Variants in DOCK3 observed in about 807,000 individuals in gnomAD.
DOCK3 encodes dedicator of cytokinesis 3, also known as dedicator of cytokinesis protein 3.
In DOCK3, 60 loss-of-function variants were observed where a neutral mutation model predicts 265.6. The ratio of observed to expected loss-of-function variants is 0.23; its 90% CI spans 0.18 to 0.28. The LOEUF (loss-of-function observed/expected upper bound fraction) is 0.28. DOCK3 is among the 10% of genes least tolerant of loss of function. The pLI is 1.00. For missense variants in DOCK3, 1,981 were observed against 2,594.3 expected (o/e 0.76, Z 5.14); for synonymous variants, 881 against 938.0 (o/e 0.94, Z 1.11).
intron 5 of DOCK3, among the ~76,000 whole-genome samples, chr3:51,004,860 T>A (rs1055606261): frequency 6.7e-6 from 1 of 150,020 alleles, no homozygotes; most frequent in Admixed American, 6.7e-5. Context: ...GTATTCTTAC[T>A]CTTTATCGTT....
chr3:51,143,899 A>G (rs1454720354), intron 9 of DOCK3, among the ~76,000 whole-genome samples: 2 of 152,222 alleles, frequency 1.3e-5, no homozygotes, highest in Non-Finnish European at 2.9e-5. Flanking sequence ...GGCGACAGAA[A>G]GTTTTCTACT....
intron 9 of DOCK3, among the ~76,000 whole-genome samples, chr3:51,127,760 G>A (rs1018462736): frequency 1.6e-4 from 24 of 152,200 alleles, no homozygotes; most frequent in African/African-American, 5.5e-4. Flanking sequence ...CCTTCAGCAA[G>A]CACCTCAGCA....
At chr3:51,003,376 A>G (rs1382178052) in intron 5 of DOCK3, among the ~76,000 whole-genome samples, 2 of 152,208 alleles carry the variant, frequency 1.3e-5, no homozygotes, top group East Asian at 1.9e-4. Context: ...TACAAGTGAA[A>G]TTCTAGAATC....
chr3:51,211,182 C>A (rs1339167739), intron 13 of DOCK3, among the ~76,000 whole-genome samples: 1 of 152,086 alleles, frequency 6.6e-6, no homozygotes, highest in African/African-American at 2.4e-5. Flanking sequence ...GGCACAAGAA[C>A]AGAGTCAAGT....
intron 5 of DOCK3, among the ~76,000 whole-genome samples, chr3:50,976,519 A>T: frequency 1.0e-5 from 1 of 99,266 alleles, no homozygotes; most frequent in Non-Finnish European, 2.0e-5. Flanking sequence ...AGTTTGTTAT[A>T]ATTTCTGTTC....
chr3:50,742,343 G>A (rs1278675953), intron 1 of DOCK3, among the ~76,000 whole-genome samples: 3 of 152,216 alleles, frequency 2.0e-5, no homozygotes, highest in Non-Finnish European at 2.9e-5. Flanking sequence ...AAAGCTGGAC[G>A]GAGAGTGACT....
rs371350142 is a variant in DOCK3 at position 51,357,000 on chromosome 3, T to C, written c.4542T>C (p.Val1514=). ...CTCTGGAGAATGCCATCCAAGTGGT[T>C]GAGAATAAGAACCAGGAGCTACGCT... The part of the protein sequence containing the change: ...VSPLENAIQV[V]ENKNQELRSL... The change falls in exon 44 of 53, where the codon GTT becomes GTC. Residue 1514 remains valine (V), a synonymous_variant. Transcript: ENST00000266037. 4 of 1,613,470 alleles carry C rather than the reference T, an allele frequency of 2.5e-6. No homozygotes were observed. In the Admixed American group the frequency reaches 6.7e-5, roughly 27 times the overall value.
intron 5 of DOCK3, among the ~76,000 whole-genome samples, chr3:51,003,025 G>A (rs2078541535): frequency 6.6e-6 from 1 of 152,152 alleles, no homozygotes; most frequent in South Asian, 2.1e-4. Context: ...TTACTCCTTA[G>A]ATATGGGGCA....
At chr3:50,959,997 T>C (rs1007398211) in intron 5 of DOCK3, among the ~76,000 whole-genome samples, 2 of 152,258 alleles carry the variant, frequency 1.3e-5, no homozygotes, top group African/African-American at 4.8e-5. Context: ...TGTTGACTTC[T>C]TTTACTTAGC....
intron 3 of DOCK3, among the ~76,000 whole-genome samples, chr3:50,845,722 A>AATCCT (rs1460078638): frequency 6.6e-6 from 1 of 152,112 alleles, no homozygotes; most frequent in African/African-American, 2.4e-5. Context: ...ACAAAAGGTA[A>AATCCT]ATATTGAAGA....
At chr3:51,137,094 C>T (rs1479552443) in intron 9 of DOCK3, among the ~76,000 whole-genome samples, 2 of 151,796 alleles carry the variant, frequency 1.3e-5, no homozygotes, top group Non-Finnish European at 2.9e-5. Context: ...CCTGGACCAT[C>T]GTTTGCCTTT....
chr3:51,276,384 C>T, intron 25 of DOCK3: 1 of 985,152 alleles, frequency 1.0e-6, no homozygotes, highest in East Asian at 1.1e-4. Flanking sequence ...CAGCTTATTG[C>T]TAAAGGAAGG....
intron 1 of DOCK3, among the ~76,000 whole-genome samples, chr3:50,763,861 G>C (rs1456040573): frequency 6.6e-6 from 1 of 152,060 alleles, no homozygotes; most frequent in Non-Finnish European, 1.5e-5. Flanking sequence ...TCTTTGCTCA[G>C]TTTTCAAATT....
At chr3:50,959,401 A>G (rs1046016276) in intron 5 of DOCK3, among the ~76,000 whole-genome samples, 3 of 151,856 alleles carry the variant, frequency 2.0e-5, no homozygotes, top group African/African-American at 7.3e-5. Context: ...ATACAGTATC[A>G]TTAGTGATAG....
intron 3 of DOCK3, among the ~76,000 whole-genome samples, chr3:50,855,149 T>G (rs1436208494): frequency 1.3e-5 from 2 of 152,232 alleles, no homozygotes; most frequent in African/African-American, 4.8e-5. Context: ...TCAATTATTT[T>G]TTCTAATTCT....
At chr3:50,761,930 G>A (rs908493407) in intron 1 of DOCK3, among the ~76,000 whole-genome samples, 1 of 152,188 alleles carries the variant, frequency 6.6e-6, no homozygotes, top group Non-Finnish European at 1.5e-5. Flanking sequence ...GCTGCCATAA[G>A]AAAGGATGAG....
intron 38 of DOCK3, among the ~76,000 whole-genome samples, chr3:51,344,509 A>G (rs774874781): frequency 6.6e-6 from 1 of 152,180 alleles, no homozygotes; most frequent in East Asian, 1.9e-4. Flanking sequence ...AGTCTCAGCT[A>G]TTTGGGTGGC....
intron 25 of DOCK3, chr3:51,276,443 C>T (rs1415347521): frequency 1.0e-6 from 1 of 985,194 alleles, no homozygotes; most frequent in Non-Finnish European, 1.2e-6. Flanking sequence ...AAGTGGGAAC[C>T]AGTAAAAACT....
At chr3:50,918,760 T>C (rs1050765037) in intron 4 of DOCK3, among the ~76,000 whole-genome samples, 5 of 152,186 alleles carry the variant, frequency 3.3e-5, no homozygotes, top group Non-Finnish European at 5.9e-5. Flanking sequence ...AGCTCTTTAG[T>C]TTAATTAGAT....
Sources: gnomAD v4.1 joint callset for allele counts (sites outside exome capture counted in the v4.1 genomes callset) on GRCh38, gnomAD v4.1.1 for gene constraint, MANE v1.5 for transcripts, NCBI Gene and HGNC (gene_info 2026-07-23, HGNC 2026-07-21) for gene names.